Variants in C3orf49 observed in about 807,000 individuals in gnomAD.
C3orf49 encodes putative uncharacterized protein C3orf49.
In C3orf49, 27 loss-of-function variants were observed where a neutral mutation model predicts 13.3. That is an observed-to-expected ratio of 2.02 (90% CI 1.49 to 2.79). The LOEUF is 2.79. C3orf49 is among the 30% of genes most tolerant of loss of function. The pLI is 0.00. For missense variants in C3orf49, 242 were observed against 134.2 expected, an observed-to-expected ratio of 1.80 and a Z score of -3.97; for synonymous variants, 87 against 47.6, an observed-to-expected ratio of 1.83 and a Z score of -3.40.
chr3:63,836,206 A>G, intron 5 of C3orf49: 3 of 1,170,736 alleles, frequency 2.6e-6, no homozygotes, highest in Non-Finnish European at 3.7e-6. Flanking sequence ...TCCTTTTGAA[A>G]CATATTTATT....
chr3:63,829,538 T>C (rs1422781481), intron 3 of C3orf49, among the ~76,000 whole-genome samples: 1 of 152,164 alleles, frequency 6.6e-6, no homozygotes, highest in Non-Finnish European at 1.5e-5. Context: ...CACATAACAA[T>C]AATCATAAAG....
chr3:63,801,098 A>T, the C3orf49 span, among the ~76,000 whole-genome samples: 1 of 152,140 alleles, frequency 6.6e-6, no homozygotes, highest in East Asian at 1.9e-4. Context: ...GGAAGGGAAA[A>T]AAGGGAGACA....
chr3:63,824,836 C>CAAAAAAAA lies in C3orf49; in HGVS notation c.445+1278_445+1285dup, dbSNP rs34464702. 5.6e-5 allele frequency among the ~76,000 whole-genome samples: 6 copies of CAAAAAAAA among 107,826 alleles called. 1 individual carries two copies. The highest frequency in any genetic ancestry group is 6.2e-4 in the South Asian group (2 of 3,204). 70.7% of individuals were successfully genotyped at this position (107,826 alleles called of 152,430 possible). ...TGGGCGACAGAAAGAGACCCTGTCT[C>CAAAAAAAA]AAAAAAAAAAAAAAAAAAGAAAAAG... is the stretch of plus-strand genomic sequence containing the variant. On this transcript the variant is annotated intron_variant, in intron 2 of 6. Transcript: ENST00000295896.
chr3:63,829,836 A>T (rs1453075079), intron 3 of C3orf49, among the ~76,000 whole-genome samples: 1 of 152,020 alleles, frequency 6.6e-6, no homozygotes, highest in Non-Finnish European at 1.5e-5. Flanking sequence ...ATGGTGGTAC[A>T]CACTTTTAGT....
chr3:63,797,880 T>A, the C3orf49 span, among the ~76,000 whole-genome samples: 1 of 152,184 alleles, frequency 6.6e-6, no homozygotes, highest in Admixed American at 6.5e-5. Context: ...TAGGTAGGTC[T>A]AGATGTGGAT....
intron 5 of C3orf49, chr3:63,839,636 C>T (rs1413826790): frequency 1.3e-6 from 2 of 1,594,346 alleles, no homozygotes; most frequent in Non-Finnish European, 8.6e-7. Context: ...GGTATGGAAA[C>T]AACAGTGAAA....
intron 1 of C3orf49, among the ~76,000 whole-genome samples, chr3:63,821,945 A>G (rs1307559216): frequency 6.6e-6 from 1 of 152,040 alleles, no homozygotes; most frequent in Non-Finnish European, 1.5e-5. Context: ...AACTAGGTAA[A>G]GAGCACACAG....
chr3:63,782,228 A>G, the C3orf49 span, among the ~76,000 whole-genome samples: 75 of 152,316 alleles, frequency 4.9e-4, no homozygotes, highest in Non-Finnish European at 8.4e-4. Flanking sequence ...AATACACTTT[A>G]TACTCTAAAA....
chr3:63,789,865 G>C, the C3orf49 span, among the ~76,000 whole-genome samples: 1 of 146,466 alleles, frequency 6.8e-6, no homozygotes, highest in Non-Finnish European at 1.5e-5. Context: ...GCTTGCCCTT[G>C]AAAGCTTGAG....
At chr3:63,807,479 C>G in the C3orf49 span, among the ~76,000 whole-genome samples, 2 of 152,090 alleles carry the variant, frequency 1.3e-5, no homozygotes. Context: ...CAAAATTTGA[C>G]TTGCTGGAAC....
At chr3:63,810,535 G>A in the C3orf49 span, among the ~76,000 whole-genome samples, 4 of 152,232 alleles carry the variant, frequency 2.6e-5, no homozygotes, top group East Asian at 1.9e-4. Flanking sequence ...TTATTATTTC[G>A]TGACACGGAA....
At chr3:63,833,556 A>G (rs1338912167) in intron 5 of C3orf49, 1 of 152,314 alleles carries the variant, frequency 6.6e-6, no homozygotes, top group Non-Finnish European at 1.5e-5. Flanking sequence ...AAGGAGAGAT[A>G]TATAAAGTAA....
chr3:63,846,243 C>T (rs1426710724), intron 6 of C3orf49: 3 of 447,878 alleles, frequency 6.7e-6, no homozygotes, highest in Non-Finnish European at 1.3e-5. Context: ...AAACAGTTTC[C>T]TTATAAGAGA....
chr3:63,784,102 A>G, the C3orf49 span, among the ~76,000 whole-genome samples: 2 of 152,232 alleles, frequency 1.3e-5, no homozygotes, highest in East Asian at 1.9e-4. Context: ...TAAAACTTCA[A>G]TGAGGTCCCA....
At chr3:63,823,613 G>C in intron 2 of C3orf49, 44 bp downstream of exon 2, 1 of 664,580 alleles carries the variant, frequency 1.5e-6, no homozygotes. Context: ...AGGCCAAGAG[G>C]AAGAGTGAAA....
chr3:63,835,255 G>T (rs774210324), intron 5 of C3orf49: 2 of 1,612,078 alleles, frequency 1.2e-6, no homozygotes, highest in Admixed American at 1.7e-5. Context: ...TTATACAAAT[G>T]ACCTGTATAT....
chr3:63,807,739 C>A, the C3orf49 span, among the ~76,000 whole-genome samples: 1,571 of 150,756 alleles, frequency 0.01, 19 homozygotes, highest in African/African-American at 0.034. Context: ...CGCCTATAAT[C>A]CCAGCTACTC....
intron 2 of C3orf49, among the ~76,000 whole-genome samples, chr3:63,825,579 C>T (rs1360326527): frequency 6.6e-6 from 1 of 152,150 alleles, no homozygotes; most frequent in Non-Finnish European, 1.5e-5. Context: ...GTTGGAATAA[C>T]AAATATCAAC....
chr3:63,844,685 C>A (rs1365362941), intron 5 of C3orf49, among the ~76,000 whole-genome samples: 1 of 152,052 alleles, frequency 6.6e-6, no homozygotes, highest in East Asian at 1.9e-4. Flanking sequence ...GAGTTCAGCT[C>A]CATTTCTTTT....
Sources: allele counts gnomAD v4.1 joint callset (sites outside exome capture counted in the v4.1 genomes callset), GRCh38; gene constraint gnomAD v4.1.1; transcripts MANE v1.5; gene names NCBI Gene and HGNC (gene_info 2026-07-23, HGNC 2026-07-21).